Variants in ZDHHC7 observed in about 807,000 individuals in gnomAD.
The protein encoded by ZDHHC7 is zDHHC palmitoyltransferase 7.
In ZDHHC7, 12 loss-of-function variants were observed where a neutral mutation model predicts 34.1. The ratio of observed to expected loss-of-function variants is 0.35; its 90% CI spans 0.23 to 0.57. The LOEUF (loss-of-function observed/expected upper bound fraction) is 0.57, where lower values mean the gene tolerates loss of function less well. Among genes scored for constraint, ZDHHC7 ranks in the 20% least tolerant of loss-of-function variants. The pLI is 0.84. For missense variants in ZDHHC7, 388 were observed against 402.7 expected (o/e 0.96, Z 0.31); for synonymous variants, 185 against 155.4 (o/e 1.19, Z -1.42).
At chr16:84,994,354 C>G (rs918404129) in intron 2 of ZDHHC7, among the ~76,000 whole-genome samples, 2 of 152,156 alleles carry the variant, frequency 1.3e-5, no homozygotes, top group Non-Finnish European at 2.9e-5. Context: ...ACATCAAGGC[C>G]GTAAGCTGAA....
At chr16:84,986,263 G>T (rs763174632) in intron 3 of ZDHHC7, among the ~76,000 whole-genome samples, 2 of 152,166 alleles carry the variant, frequency 1.3e-5, no homozygotes, top group Non-Finnish European at 2.9e-5. Flanking sequence ...TGAAATTTTC[G>T]AGGCCGGGGC....
Position 84,975,885 on chromosome 16 carries a change from A to C in ZDHHC7, c.*458T>G. 1 of 170,452 alleles carries C rather than the reference A, an allele frequency of 5.9e-6. No individual in the cohort carries two copies. Among genetic ancestry groups the C allele is most frequent in the Admixed American group, 6.0e-5 (1 of 16,724 alleles). The allele number at this position is 170,452 out of a possible 1,614,324, so 10.6% of individuals were successfully genotyped here. A position where few individuals can be genotyped will look rare whatever the true frequency, so the allele number is the denominator to read the frequency against. On this transcript the variant is annotated 3_prime_UTR_variant, in exon 8 of 8. Coordinates refer to ENST00000313732, the MANE Select transcript of ZDHHC7 (RefSeq NM_017740.3). ...AAAGCATCGGAGCTAATCGAGACCA[A>C]AACGTCTTTCTATGTAAACGCCCTG...
intron 4 of ZDHHC7, among the ~76,000 whole-genome samples, chr16:84,981,204 A>C (rs923754327): frequency 6.6e-6 from 1 of 152,222 alleles, no homozygotes; most frequent in African/African-American, 2.4e-5. Flanking sequence ...ATGTGGGGGA[A>C]GAGGATAAAA....
At chr16:85,011,126 G>A (rs1045061260) in intron 1 of ZDHHC7, among the ~76,000 whole-genome samples, 160 bp downstream of exon 1, 34 of 152,362 alleles carry the variant, frequency 2.2e-4, no homozygotes, top group African/African-American at 7.2e-4. Context: ...AGTCAGGTGC[G>A]GGCACGGAGG....
chr16:84,984,582 T>C (rs573232550), intron 3 of ZDHHC7, among the ~76,000 whole-genome samples: 1 of 152,320 alleles, frequency 6.6e-6, no homozygotes, highest in Non-Finnish European at 1.5e-5. Flanking sequence ...ACCCCAGTTT[T>C]TGGTCACTTA....
the ZDHHC7 span, among the ~76,000 whole-genome samples, chr16:85,018,772 G>C: frequency 0.23 from 35,445 of 152,000 alleles, 4,449 homozygotes; most frequent in African/African-American, 0.31. Context: ...ATTTCAAGTA[G>C]ATGCTGGCAG....
intron 2 of ZDHHC7, among the ~76,000 whole-genome samples, chr16:84,993,407 G>A (rs1197470130): frequency 6.6e-6 from 1 of 152,124 alleles, no homozygotes; most frequent in Non-Finnish European, 1.5e-5. Flanking sequence ...CAAGGTGGGA[G>A]GATCTCTTGA....
intron 1 of ZDHHC7, among the ~76,000 whole-genome samples, chr16:85,003,306 C>T (rs1007620521): frequency 2.0e-5 from 3 of 152,132 alleles, no homozygotes; most frequent in African/African-American, 7.2e-5. Flanking sequence ...GCCGTGCAAA[C>T]GGGGCCACAT....
chr16:85,000,129 A>T (rs2072634505), intron 1 of ZDHHC7, among the ~76,000 whole-genome samples: 1 of 152,012 alleles, frequency 6.6e-6, no homozygotes, highest in Non-Finnish European at 1.5e-5. Context: ...AACAAGCAAG[A>T]CCCTGTCTCT....
chr16:84,994,538 A>C (rs1261853495), intron 2 of ZDHHC7, among the ~76,000 whole-genome samples: 3 of 152,210 alleles, frequency 2.0e-5, no homozygotes, highest in Non-Finnish European at 4.4e-5. Context: ...AAAGTCTTCT[A>C]AAGGCACACA....
At chr16:84,987,498 C>CT (rs1423350934) in intron 3 of ZDHHC7, among the ~76,000 whole-genome samples, 18 of 145,980 alleles carry the variant, frequency 1.2e-4, no homozygotes, top group Non-Finnish European at 2.4e-4. Context: ...TTTCCATTTT[C>CT]TTTTTTTTCC....
intron 7 of ZDHHC7, among the ~76,000 whole-genome samples, 188 bp from the exon 8 acceptor site, chr16:84,976,707 C>A (rs1489140120): frequency 6.6e-6 from 1 of 152,240 alleles, no homozygotes; most frequent in African/African-American, 2.4e-5. Flanking sequence ...GCTGCAGCCA[C>A]GTGGCCAGCC....
At chr16:84,982,062 T>G in intron 3 of ZDHHC7, 68 bp from the exon 4 acceptor site, 4 of 1,596,452 alleles carry the variant, frequency 2.5e-6, no homozygotes, top group Non-Finnish European at 3.4e-6. Flanking sequence ...CCGGGCGCAG[T>G]GGGTCACACC....
upstream of ZDHHC7, among the ~76,000 whole-genome samples, chr16:85,014,395 CT>C (rs200366114): frequency 1.3e-5 from 2 of 152,014 alleles, no homozygotes; most frequent in Non-Finnish European, 2.9e-5. Context: ...TCAAGGTGCT[CT>C]TTTTTTTAGA....
chr16:85,010,688 CTG>C (rs2072779366), intron 1 of ZDHHC7, among the ~76,000 whole-genome samples: 1 of 104,390 alleles, frequency 9.6e-6, no homozygotes, highest in Non-Finnish European at 2.1e-5. Flanking sequence ...GTCTATCTAA[CTG>C]AGTGTGACAA....
the ZDHHC7 span, among the ~76,000 whole-genome samples, chr16:85,018,426 TCA>T: frequency 6.6e-6 from 1 of 151,596 alleles, no homozygotes; most frequent in African/African-American, 2.4e-5. Context: ...AAAAATTCAT[TCA>T]GTTATGTACA....
intron 4 of ZDHHC7, among the ~76,000 whole-genome samples, 190 bp from the exon 5 acceptor site, chr16:84,979,475 G>GA (rs2072338600): frequency 6.6e-6 from 1 of 152,018 alleles, no homozygotes; most frequent in Non-Finnish European, 1.5e-5. Flanking sequence ...GTTTCCTAAG[G>GA]AAAATACTCA....
At chr16:85,024,585 C>T in the ZDHHC7 span, among the ~76,000 whole-genome samples, 4 of 152,284 alleles carry the variant, frequency 2.6e-5, no homozygotes, top group South Asian at 8.3e-4. Flanking sequence ...CTTCTCCTAC[C>T]TCCTTCCCGT....
chr16:85,000,063 C>T (rs1386973140), intron 1 of ZDHHC7, among the ~76,000 whole-genome samples: 1 of 151,930 alleles, frequency 6.6e-6, no homozygotes, highest in African/African-American at 2.4e-5. Flanking sequence ...TCGCTTGAGT[C>T]TCGGAGGTCG....
Sources: gnomAD v4.1 joint callset for allele counts (sites outside exome capture counted in the v4.1 genomes callset) on GRCh38, gnomAD v4.1.1 for gene constraint, MANE v1.5 for transcripts, NCBI Gene and HGNC (gene_info 2026-07-23, HGNC 2026-07-21) for gene names.